C12orf42: variants seen among roughly 807,000 people sequenced by gnomAD.
The protein encoded by C12orf42 is uncharacterized protein C12orf42.
A neutral mutation model predicts 21.6 loss-of-function variants in C12orf42; 25 were observed. The observed-to-expected ratio is 1.16, with a 90% CI of 0.84 to 1.62. C12orf42 has a LOEUF of 1.62. Among genes scored for constraint, C12orf42 ranks in the 40% most tolerant of loss-of-function variants. The probability of loss-of-function intolerance (pLI) is 0.00; values close to 1 mark genes in which losing one functional copy is unlikely to be tolerated. For missense variants in C12orf42, 483 were observed against 459.3 expected (o/e 1.05, Z -0.47); for synonymous variants, 174 against 175.0 (o/e 0.99, Z 0.05).
the C12orf42 span, among the ~76,000 whole-genome samples, chr12:103,072,656 T>G: frequency 6.6e-6 from 1 of 152,164 alleles, no homozygotes; most frequent in African/African-American, 2.4e-5. Flanking sequence ...ATGGTATTTC[T>G]GTCTTTAGAT....
At chr12:103,212,954 G>A in the C12orf42 span, among the ~76,000 whole-genome samples, 1 of 151,196 alleles carries the variant, frequency 6.6e-6, no homozygotes, top group South Asian at 2.1e-4. Flanking sequence ...ATATATATAT[G>A]GTGTATGTAT....
intron 2 of C12orf42, among the ~76,000 whole-genome samples, chr12:103,422,833 TAAA>T (rs75586729): frequency 2.2e-5 from 3 of 134,636 alleles, no homozygotes; most frequent in Admixed American, 7.4e-5. Flanking sequence ...CTGGGAACAT[TAAA>T]AAAAAAAAAA....
the C12orf42 span, among the ~76,000 whole-genome samples, chr12:103,533,974 G>A: frequency 2.0e-5 from 3 of 152,304 alleles, no homozygotes; most frequent in East Asian, 5.8e-4. Context: ...GGATAATACA[G>A]CACCTGCTTC....
chr12:103,445,004 T>C (rs1007383975), intron 2 of C12orf42, among the ~76,000 whole-genome samples: 3 of 152,006 alleles, frequency 2.0e-5, no homozygotes, highest in Middle Eastern at 3.2e-3. Context: ...TAATAAACCA[T>C]AAACATAAAC....
intron 2 of C12orf42, among the ~76,000 whole-genome samples, chr12:103,430,638 G>A (rs550470232): frequency 2.0e-4 from 30 of 152,086 alleles, no homozygotes; most frequent in South Asian, 4.2e-4. Context: ...ATCATAAATC[G>A]TTCTACTATA....
At chr12:103,273,902 A>G (rs1285645375) in intron 5 of C12orf42, 1 of 456,246 alleles carries the variant, frequency 2.2e-6, no homozygotes, top group Non-Finnish European at 4.4e-6. Context: ...CCAAAGTCCA[A>G]GGAGGACGAG....
intron 2 of C12orf42, among the ~76,000 whole-genome samples, chr12:103,434,045 T>C (rs1359005217): frequency 6.6e-6 from 1 of 152,204 alleles, no homozygotes; most frequent in Non-Finnish European, 1.5e-5. Flanking sequence ...TTTGTTTTAT[T>C]TTTTTAAAAT....
At chr12:103,495,865 C>T (rs1184740129) in intron 1 of C12orf42, 37 bp downstream of exon 1, 1 of 152,298 alleles carries the variant, frequency 6.6e-6, no homozygotes, top group Admixed American at 6.5e-5. Context: ...TCTACCTCAC[C>T]CTGCCAGGGG....
intron 5 of C12orf42, among the ~76,000 whole-genome samples, chr12:103,275,232 C>G (rs564721561): frequency 6.6e-6 from 1 of 151,824 alleles, no homozygotes; most frequent in East Asian, 1.9e-4. Context: ...AAAAATCTTA[C>G]AAAAAGGAAA....
At chr12:103,424,424 C>T (rs1005449164) in intron 2 of C12orf42, among the ~76,000 whole-genome samples, 1 of 152,246 alleles carries the variant, frequency 6.6e-6, no homozygotes, top group African/African-American at 2.4e-5. Context: ...CAACTCCCAG[C>T]AAGATCAACA....
chr12:103,178,552 G>A, the C12orf42 span: 3 of 152,312 alleles, frequency 2.0e-5, no homozygotes, highest in South Asian at 6.2e-4. Flanking sequence ...TCTTGTTTGG[G>A]TGGTTGTTGT....
At chr12:103,112,357 CT>C in the C12orf42 span, among the ~76,000 whole-genome samples, 2 of 152,148 alleles carry the variant, frequency 1.3e-5, no homozygotes, top group African/African-American at 4.8e-5. Flanking sequence ...AGATTATTCC[CT>C]GATTTAACTA....
intron 4 of C12orf42, among the ~76,000 whole-genome samples, chr12:103,362,653 A>C (rs1317594144): frequency 5.3e-5 from 8 of 152,128 alleles, no homozygotes; most frequent in Non-Finnish European, 1.2e-4. Flanking sequence ...ATAAGAAAAA[A>C]ATCACAACTT....
chr12:103,454,422 G>C (rs1372631636), intron 2 of C12orf42, among the ~76,000 whole-genome samples: 2 of 152,028 alleles, frequency 1.3e-5, no homozygotes, highest in Non-Finnish European at 2.9e-5. Context: ...TACTGAAAAA[G>C]ACAGGAAACT....
chr12:103,256,109 TATACACACACACACACACAC>T (rs1382097697), intron 10 of C12orf42, among the ~76,000 whole-genome samples: 2 of 43,814 alleles, frequency 4.6e-5, no homozygotes, highest in African/African-American at 1.8e-4. Context: ...TATATATATA[TATACACACACACACACACAC>T]ACACACACAC....
At chr12:103,464,805 C>A (rs1004803799) in intron 2 of C12orf42, among the ~76,000 whole-genome samples, 4 of 152,134 alleles carry the variant, frequency 2.6e-5, no homozygotes, top group Non-Finnish European at 5.9e-5. Context: ...TCTCCCAGCA[C>A]CATTTATTAA....
intron 2 of C12orf42, among the ~76,000 whole-genome samples, chr12:103,473,448 G>C (rs1170515148): frequency 6.6e-6 from 1 of 152,134 alleles, no homozygotes; most frequent in Non-Finnish European, 1.5e-5. Flanking sequence ...GCCAGTAAGT[G>C]GCAACTACAG....
chr12:103,251,147 G>T (rs2034278997), intron 10 of C12orf42, among the ~76,000 whole-genome samples: 1 of 152,034 alleles, frequency 6.6e-6, no homozygotes, highest in Admixed American at 6.6e-5. Context: ...TCATGGGCTG[G>T]TCATGCTGGC....
intron 5 of C12orf42, among the ~76,000 whole-genome samples, chr12:103,272,666 G>A (rs1203730411): frequency 6.6e-6 from 1 of 152,160 alleles, no homozygotes; most frequent in East Asian, 1.9e-4. Flanking sequence ...AATAGTGCAA[G>A]ACCAAGACTA....
Sources: allele counts gnomAD v4.1 joint callset (sites outside exome capture counted in the v4.1 genomes callset), GRCh38; gene constraint gnomAD v4.1.1; transcripts MANE v1.5; gene names NCBI Gene and HGNC (gene_info 2026-07-23, HGNC 2026-07-21).